PRKAR1A: variants seen among roughly 807,000 people sequenced by gnomAD.
PRKAR1A encodes the protein cAMP-dependent protein kinase type I-alpha regulatory subunit.
In PRKAR1A, 3 loss-of-function variants were observed where a neutral mutation model predicts 52.0. That is an observed-to-expected ratio of 0.06 (90% CI 0.03 to 0.15). The LOEUF is 0.15. Among genes scored for constraint, PRKAR1A ranks in the 10% least tolerant of loss-of-function variants. The pLI is 1.00. For missense variants in PRKAR1A, 240 were observed against 477.4 expected (o/e 0.50, Z 4.63); for synonymous variants, 188 against 168.4 (o/e 1.12, Z -0.90).
chr17:68,549,734 A>G (rs900583158), intron 11 of PRKAR1A, among the ~76,000 whole-genome samples: 11 of 152,212 alleles, frequency 7.2e-5, no homozygotes, highest in African/African-American at 1.9e-4. Flanking sequence ...TTTAAACTCT[A>G]TGACAACCAG....
At chr17:68,433,738 GAAAGATTCAC>G in the PRKAR1A span, among the ~76,000 whole-genome samples, 1 of 133,046 alleles carries the variant, frequency 7.5e-6, no homozygotes. Flanking sequence ...ATTAATGTCA[GAAAGATTCAC>G]AAAGGGTCAT....
intron 6 of PRKAR1A, 105 bp downstream of exon 6, chr17:68,525,063 A>G (rs943778607): frequency 1.3e-5 from 12 of 908,026 alleles, no homozygotes; most frequent in East Asian, 2.4e-5. Flanking sequence ...CATCCCTTGT[A>G]TGTCAGATTT....
At chr17:68,519,462 C>G (rs1489099397) in intron 2 of PRKAR1A, among the ~76,000 whole-genome samples, 6 of 152,214 alleles carry the variant, frequency 3.9e-5, no homozygotes, top group Admixed American at 6.5e-5. Flanking sequence ...ATCACCAGAA[C>G]AGCATGGAGG....
chr17:68,461,877 T>C, the PRKAR1A span, among the ~76,000 whole-genome samples: 46 of 152,238 alleles, frequency 3.0e-4, no homozygotes, highest in Admixed American at 2.7e-3. This position sits in a 1 kb window ranked among gnomAD's most constrained non-coding sequence, Gnocchi z 4.6. Flanking sequence ...ATGATCGAAC[T>C]GATTGGCAAG....
chr17:68,421,667 G>T, the PRKAR1A span: 2 of 1,511,272 alleles, frequency 1.3e-6, no homozygotes, highest in Non-Finnish European at 1.8e-6. Context: ...CGGGATTCCT[G>T]CCCCCCTTTC....
the PRKAR1A span, among the ~76,000 whole-genome samples, chr17:68,488,380 A>G: frequency 6.6e-6 from 1 of 151,986 alleles, no homozygotes; most frequent in African/African-American, 2.4e-5. Context: ...GCCTGCTTTG[A>G]CCTATGAAAT....
the PRKAR1A span, among the ~76,000 whole-genome samples, chr17:68,489,186 GTATATATATATATATATATATA>G: frequency 1.1e-3 from 12 of 11,076 alleles, 2 homozygotes; most frequent in African/African-American, 1.5e-3. Context: ...ATCTTGGAAA[GTATATATATATATATATATATA>G]TATATATATA....
At chr17:68,499,226 T>C in the PRKAR1A span, among the ~76,000 whole-genome samples, 1 of 152,234 alleles carries the variant, frequency 6.6e-6, no homozygotes, top group Non-Finnish European at 1.5e-5. Context: ...GTTTCCTAAA[T>C]GTCCTCCAGC....
intron 11 of PRKAR1A, chr17:68,543,713 C>A: frequency 1.2e-6 from 2 of 1,613,964 alleles, no homozygotes; most frequent in Non-Finnish European, 1.7e-6. Flanking sequence ...CTCCTCATCT[C>A]GCTGCTGTCT....
At chr17:68,478,608 A>ACGTG in the PRKAR1A span, among the ~76,000 whole-genome samples, 1 of 151,000 alleles carries the variant, frequency 6.6e-6, no homozygotes. Flanking sequence ...ATTTAGAAAT[A>ACGTG]TGTGTGTGTG....
At chr17:68,458,467 C>G in the PRKAR1A span, among the ~76,000 whole-genome samples, 1 of 152,058 alleles carries the variant, frequency 6.6e-6, no homozygotes, top group African/African-American at 2.4e-5. Context: ...TTTGACGGAG[C>G]TGGAAGGTGG....
downstream of PRKAR1A, among the ~76,000 whole-genome samples, chr17:68,534,840 A>T (rs1322130342): frequency 2.0e-5 from 3 of 152,184 alleles, no homozygotes; most frequent in East Asian, 5.8e-4. Flanking sequence ...TTATGTATTG[A>T]TCGGTCAATA....
At chr17:68,416,755 C>A in the PRKAR1A span, among the ~76,000 whole-genome samples, 1 of 151,946 alleles carries the variant, frequency 6.6e-6, no homozygotes, top group Admixed American at 6.6e-5. Context: ...TTGTTCAATT[C>A]TATTGCTGAG....
the PRKAR1A span, among the ~76,000 whole-genome samples, chr17:68,503,795 A>G: frequency 2.6e-5 from 4 of 152,240 alleles, no homozygotes; most frequent in African/African-American, 7.2e-5. Flanking sequence ...AAGATGTTCA[A>G]CATCACTGAT....
At chr17:68,465,250 TAA>T in the PRKAR1A span, among the ~76,000 whole-genome samples, 1 of 151,838 alleles carries the variant, frequency 6.6e-6, no homozygotes, top group African/African-American at 2.4e-5. Context: ...GTTATTTTTA[TAA>T]GTTACTCCTT....
chr17:68,514,177 CTTG>C (rs530231804), intron 1 of PRKAR1A, among the ~76,000 whole-genome samples: 102 of 152,312 alleles, frequency 6.7e-4, no homozygotes, highest in African/African-American at 1.9e-3. Flanking sequence ...AATTAGTCTA[CTTG>C]TTGTTGACCT....
At chr17:68,536,762 A>G (rs1178903722), downstream of PRKAR1A, 1 of 453,602 alleles carries the variant, frequency 2.2e-6, no homozygotes, top group South Asian at 1.6e-5. Context: ...GTAATTATTT[A>G]TTCTGTTACT....
At chr17:68,426,254 G>T in the PRKAR1A span, 1 of 816,922 alleles carries the variant, frequency 1.2e-6, no homozygotes, top group Non-Finnish European at 1.9e-6. Flanking sequence ...GGGAGCGGGG[G>T]CTCAAATAAA....
At chr17:68,529,369 T>C (rs2085893064) in intron 9 of PRKAR1A, among the ~76,000 whole-genome samples, 1 of 152,226 alleles carries the variant, frequency 6.6e-6, no homozygotes, top group Admixed American at 6.5e-5. Context: ...TTTGAAAAAT[T>C]ACTGTGTTTG....
Sources: allele counts gnomAD v4.1 joint callset (sites outside exome capture counted in the v4.1 genomes callset), GRCh38; gene constraint gnomAD v4.1.1; non-coding constraint Gnocchi (gnomAD v3.1); transcripts MANE v1.5; gene names NCBI Gene and HGNC (gene_info 2026-07-23, HGNC 2026-07-21).